MLANA: variants seen among roughly 807,000 people sequenced by gnomAD.
MLANA encodes the protein melan-A.
In MLANA, 21 loss-of-function variants were observed where a neutral mutation model predicts 15.7. The observed-to-expected ratio is 1.33, with a 90% confidence interval of 0.95 to 1.92. MLANA has a LOEUF of 1.92. Among genes scored for constraint, MLANA ranks in the 40% most tolerant of loss-of-function variants. The probability of loss-of-function intolerance (pLI) is 0.00; values close to 1 mark genes in which losing one functional copy is unlikely to be tolerated. For synonymous variants in MLANA, 56 were observed against 51.5 expected, an observed-to-expected ratio of 1.09 and a Z score of -0.37; for missense variants, 164 against 143.8, an observed-to-expected ratio of 1.14 and a Z score of -0.72.
intron 3 of MLANA, among the ~76,000 whole-genome samples, chr9:5,903,294 T>C (rs76547345): frequency 0.02 from 3,063 of 152,318 alleles, 62 homozygotes; most frequent in Non-Finnish European, 0.035. Flanking sequence ...GTGTATTCTG[T>C]TGTCGTTGGA....
At chr9:5,898,015 T>C (rs996430091) in intron 3 of MLANA, 5 of 210,606 alleles carry the variant, frequency 2.4e-5, no homozygotes, top group Non-Finnish European at 4.9e-5. Context: ...GTGGAAGGCA[T>C]CACATGGGCA....
rs1001701785 is a variant in MLANA, at chr9:5,893,920, G to A, written c.77+1369G>A. Among the ~76,000 whole-genome samples, 14 of 125,904 alleles carry A rather than the reference G, an allele frequency of 1.1e-4. No homozygotes were observed. The East Asian group carries it at 1.8e-3, about 16-fold the overall frequency. 82.6% of individuals were successfully genotyped at this position (125,904 alleles called of 152,430 possible). Reference sequence around the variant, plus strand: ...TTGCTCCACCCCCGCCCCCCGCCCCGTGGCACCCACCCTGGTGGGTATCAT... The same window carrying A: ...TTGCTCCACCCCCGCCCCCCGCCCCATGGCACCCACCCTGGTGGGTATCAT... On this transcript the variant is annotated intron_variant, in intron 2 of 4. Transcript: ENST00000381477.
At chr9:5,891,235 C>T (rs1831638189) in intron 1 of MLANA, 1 of 152,224 alleles carries the variant, frequency 6.6e-6, no homozygotes, top group Admixed American at 6.5e-5. Context: ...AGAACCACTT[C>T]TCCTGGTCTG....
chr9:5,892,117 C>T (rs1301898624), intron 1 of MLANA, among the ~76,000 whole-genome samples: 1 of 152,206 alleles, frequency 6.6e-6, no homozygotes, highest in African/African-American at 2.4e-5. Context: ...GTTTGTTTCT[C>T]TAGAAGTTTA....
intron 2 of MLANA, among the ~76,000 whole-genome samples, chr9:5,896,233 T>C (rs1329467914): frequency 6.6e-6 from 1 of 152,148 alleles, no homozygotes; most frequent in Non-Finnish European, 1.5e-5. Context: ...CCGAGGACTG[T>C]GGTTAGGATG....
In MLANA at chr9:5,906,948, G is replaced by C. The variant is rs749187102; in HGVS notation, c.238G>C (p.Asp80His). Residue 80 changes from aspartate to histidine, a missense_variant, in exon 4 of 5, where the codon GAT becomes CAT. Asp to His is a moderately conservative substitution (Grantham distance 81, BLOSUM62 -1). Transcript: ENST00000381477. ...AAGAAGATGCCCACAAGAAGGGTTT[G>C]ATCATCGGGACAGCAAAGTGTCTCT... is the stretch of plus-strand genomic sequence containing the variant. ...LTRRCPQEGF[D>H]HRDSKVSLQE... 2.5e-6 allele frequency: 4 copies of C among 1,599,116 alleles called. No homozygotes were observed. The East Asian group carries it at 9.3e-5, about 37-fold the overall frequency.
At chr9:5,902,021 T>C (rs1042094972) in intron 3 of MLANA, among the ~76,000 whole-genome samples, 1 of 151,980 alleles carries the variant, frequency 6.6e-6, no homozygotes, top group Non-Finnish European at 1.5e-5. Context: ...GCTGGCCTCA[T>C]AGCAATGAGT....
intron 1 of MLANA, among the ~76,000 whole-genome samples, chr9:5,892,244 A>G (rs115201066): frequency 2.6e-4 from 40 of 152,316 alleles, no homozygotes; most frequent in African/African-American, 9.4e-4. Flanking sequence ...ATTTTCAGTT[A>G]GTAGGAGGGG....
Position 5,896,024 on chromosome 9 carries a change from C to T in MLANA, c.78-1533C>T, listed in dbSNP as rs568428967. 3.3e-4 allele frequency among the ~76,000 whole-genome samples: 50 copies of T among 152,338 alleles called. No individual in the cohort carries two copies. The South Asian group carries it at 0.01, about 32-fold the overall frequency. ...AGAACACACTGAACACTCCTTGTGA[C>T]AGCTTCAGTTCAGGAAAGAGTGACT... On this transcript the variant is annotated intron_variant, in intron 2 of 4. Coordinates refer to ENST00000381477, the MANE Select transcript of MLANA (RefSeq NM_005511.2).
In MLANA at chr9:5,906,837, T is replaced by G. The variant is rs762900791; in HGVS notation, c.175-48T>G. 8 of 1,236,382 alleles carry G rather than the reference T, an allele frequency of 6.5e-6. No individual in the cohort carries two copies. In the Admixed American group the frequency reaches 2.1e-4, roughly 33 times the overall value. 76.6% of individuals were successfully genotyped at this position (1,236,382 alleles called of 1,614,324 possible). ...GCTTCCTTCTCTTTTCTTTAATGGA[T>G]TCAGTTACTTCTTCTCACCCACTCA... is the stretch of plus-strand genomic sequence containing the variant. On this transcript the variant is annotated intron_variant, in intron 3 of 4. Transcript: ENST00000381477.
Position 5,910,352 on chromosome 9 carries a change from C to A in MLANA, c.*1644C>A, listed in dbSNP as rs1833090503. Reference sequence around the variant, plus strand: ...AAACACAGGATAAAGAGATGTATTACACACATCGAAAAAAACAACATTTAA... The same window carrying A: ...AAACACAGGATAAAGAGATGTATTAAACACATCGAAAAAAACAACATTTAA... On this transcript the variant is annotated 3_prime_UTR_variant, in exon 5 of 5. Transcript: ENST00000381477. 1 of 152,154 alleles carries A rather than the reference C, an allele frequency of 6.6e-6. No individual in the cohort carries two copies. The highest frequency in any genetic ancestry group is 2.1e-4 in the South Asian group (1 of 4,836). The allele number at this position is 152,154 out of a possible 1,614,324, so 9.4% of individuals were successfully genotyped here. A position where few individuals can be genotyped will look rare whatever the true frequency, so the allele number is the denominator to read the frequency against.
intron 3 of MLANA, among the ~76,000 whole-genome samples, chr9:5,899,924 T>C (rs1488381402): frequency 6.6e-6 from 1 of 152,194 alleles, no homozygotes; most frequent in Non-Finnish European, 1.5e-5. Flanking sequence ...TAGCTCTATT[T>C]TACACCCAGA....
At chr9:5,906,820 C>A in intron 3 of MLANA, 65 bp from the exon 4 acceptor site, 1 of 1,104,852 alleles carries the variant, frequency 9.1e-7, no homozygotes, top group Non-Finnish European at 1.3e-6. Flanking sequence ...TGGCTTCCTT[C>A]TCTTTTCTTT....
intron 2 of MLANA, among the ~76,000 whole-genome samples, chr9:5,896,923 G>A (rs1051746147): frequency 3.9e-5 from 6 of 152,218 alleles, no homozygotes; most frequent in African/African-American, 1.2e-4. Context: ...GGAGCAAAGC[G>A]GGGAGTTTAG....
At chr9:5,898,214 A>T (rs1832167159) in intron 3 of MLANA, 1 of 152,762 alleles carries the variant, frequency 6.5e-6, no homozygotes, top group Admixed American at 6.5e-5. Context: ...GGCTAATTAA[A>T]AAAAAACTTT....
At chr9:5,893,860 C>T (rs891739060) in intron 2 of MLANA, among the ~76,000 whole-genome samples, 4 of 152,040 alleles carry the variant, frequency 2.6e-5, no homozygotes, top group Non-Finnish European at 4.4e-5. Flanking sequence ...AGGCTAGGAC[C>T]GTTCCTTTCA....
At chr9:5,897,756 C>A in intron 3 of MLANA, 103 bp downstream of exon 3, 1 of 1,016,820 alleles carries the variant, frequency 9.8e-7, no homozygotes, top group Non-Finnish European at 1.5e-6. Flanking sequence ...TCATTATAAC[C>A]TTCAGCTCTG....
chr9:5,908,976 A>T lies in MLANA; in HGVS notation c.*268A>T. The T allele has an allele frequency of 2.4e-6, 1 of 411,410 alleles. No individual in the cohort carries two copies. Among genetic ancestry groups the T allele is most frequent in the Non-Finnish European group, 4.4e-6 (1 of 229,526 alleles). 25.5% of individuals were successfully genotyped at this position (411,410 alleles called of 1,614,324 possible). On this transcript the variant is annotated 3_prime_UTR_variant, in exon 5 of 5. Coordinates refer to ENST00000381477, the MANE Select transcript of MLANA (RefSeq NM_005511.2). ...TGCCAGAGGTAATGTTAGTAAATCC[A>T]TGGTGTTATTTTCTGAGAGACAGAA...
At chr9:5,907,087 C>T (rs559877683) in intron 4 of MLANA, 89 bp downstream of exon 4, 26 of 889,548 alleles carry the variant, frequency 2.9e-5, no homozygotes, top group South Asian at 1.0e-4. Context: ...AAAGCAAGGA[C>T]AATGTGAATG....
Sources: allele counts gnomAD v4.1 joint callset (sites outside exome capture counted in the v4.1 genomes callset), GRCh38; gene constraint gnomAD v4.1.1; transcripts MANE v1.5; gene names NCBI Gene and HGNC (gene_info 2026-07-23, HGNC 2026-07-21).